Variants in RIMKLA observed in about 807,000 individuals in gnomAD.
The protein encoded by RIMKLA is N-acetylaspartylglutamate synthase A.
In RIMKLA, 14 loss-of-function variants were observed where a neutral mutation model predicts 32.7. The ratio of observed to expected loss-of-function variants is 0.43; its 90% CI spans 0.28 to 0.67. RIMKLA has a LOEUF of 0.67. Ranked by LOEUF, RIMKLA falls within the 30% of genes least tolerant of loss-of-function variation. RIMKLA has a pLI of 0.18. For synonymous variants in RIMKLA, 176 were observed against 204.1 expected, an observed-to-expected ratio of 0.86 and a Z score of 1.18; for missense variants, 410 against 519.0, an observed-to-expected ratio of 0.79 and a Z score of 2.04.
chr1:42,408,288 C>T (rs1643165994), intron 3 of RIMKLA, among the ~76,000 whole-genome samples: 3 of 152,208 alleles, frequency 2.0e-5, no homozygotes, highest in African/African-American at 4.8e-5. Flanking sequence ...ATCTTCAGAT[C>T]ACGTGGCTGA....
chr1:42,395,979 G>A (rs985797183), intron 1 of RIMKLA, among the ~76,000 whole-genome samples: 27 of 152,238 alleles, frequency 1.8e-4, no homozygotes, highest in Non-Finnish European at 3.1e-4. Context: ...GGTGGCTCAC[G>A]CCTGTAATCC....
intron 1 of RIMKLA, among the ~76,000 whole-genome samples, chr1:42,383,135 C>T (rs138078417): frequency 0.019 from 2,958 of 152,032 alleles, 98 homozygotes; most frequent in African/African-American, 0.067. Context: ...ATCCATCCGC[C>T]TCGACCTCCT....
chr1:42,383,538 A>G (rs1292352162), intron 1 of RIMKLA, among the ~76,000 whole-genome samples: 1 of 152,234 alleles, frequency 6.6e-6, no homozygotes, highest in Non-Finnish European at 1.5e-5. Context: ...TAGTCAGACT[A>G]TAGAAAACAC....
chr1:42,406,750 G>A (rs1399406470), intron 3 of RIMKLA, among the ~76,000 whole-genome samples: 4 of 152,026 alleles, frequency 2.6e-5, no homozygotes, highest in African/African-American at 9.6e-5. Flanking sequence ...ATCTCATTGT[G>A]GTTTTGATTT....
intron 1 of RIMKLA, among the ~76,000 whole-genome samples, chr1:42,384,240 A>G (rs1006322104): frequency 4.6e-5 from 7 of 152,176 alleles, no homozygotes; most frequent in Non-Finnish European, 7.3e-5. Flanking sequence ...AGTGGGAGAC[A>G]GTGGAGAAAG....
chr1:42,398,273 T>C (rs964704715), intron 1 of RIMKLA, among the ~76,000 whole-genome samples: 2 of 152,232 alleles, frequency 1.3e-5, no homozygotes, highest in Admixed American at 6.5e-5. Context: ...ACTGTGCTCC[T>C]GTTCCTCTGA....
At position 42,419,082 on chromosome 1, in the gene RIMKLA, T is replaced by A. The variant is rs891963728; in HGVS notation, c.*4108T>A. On this transcript the variant is annotated 3_prime_UTR_variant, in exon 5 of 5. Coordinates refer to ENST00000431473, the MANE Select transcript of RIMKLA (RefSeq NM_173642.4). ...TCTGAGACTCAAGATCAGGACAGAT[T>A]GTTACTTTAAAATGTTACCTGGAAG... 6.6e-6 allele frequency: 1 copy of A among 152,208 alleles called. No homozygotes were observed. Among genetic ancestry groups the A allele is most frequent in the Non-Finnish European group, 1.5e-5 (1 of 68,044 alleles). 9.4% of individuals were successfully genotyped at this position (152,208 alleles called of 1,614,324 possible).
chr1:42,385,690 A>C (rs1164418959), intron 1 of RIMKLA, among the ~76,000 whole-genome samples: 1 of 150,792 alleles, frequency 6.6e-6, no homozygotes, highest in Non-Finnish European at 1.5e-5. Context: ...TCAAAGCCCT[A>C]CTCCTAGATT....
At chr1:42,395,413 C>G (rs904070029) in intron 1 of RIMKLA, among the ~76,000 whole-genome samples, 1 of 151,604 alleles carries the variant, frequency 6.6e-6, no homozygotes, top group Non-Finnish European at 1.5e-5. Context: ...CAAGCCCACC[C>G]CATGAGTCTG....
chr1:42,412,388 T>C (rs369132427), intron 4 of RIMKLA: 19 of 251,102 alleles, frequency 7.6e-5, no homozygotes, highest in East Asian at 6.0e-4. Flanking sequence ...TATTAATATC[T>C]ATTACATCCC....
At chr1:42,385,838 T>TTCTCTCTCTCTC (rs777027519) in intron 1 of RIMKLA, among the ~76,000 whole-genome samples, 2,563 of 69,432 alleles carry the variant, frequency 0.037, 440 homozygotes, top group African/African-American at 0.041. Flanking sequence ...CTTTCTTTCT[T>TTCTCTCTCTCTC]TCTTTCTCTT....
chr1:42,423,369 G>A lies in RIMKLA; in HGVS notation c.*8395G>A, dbSNP rs920138568. Among the ~76,000 whole-genome samples, 4 of 152,150 alleles carry A rather than the reference G, an allele frequency of 2.6e-5. No individual in the cohort carries two copies. The highest frequency in any genetic ancestry group is 3.9e-4 in the East Asian group (2 of 5,190). ...AATAGTAAACTCCCCAGAAAAGGAC[G>A]TTTCCATTTGCCTTTACCACATATA... On this transcript the variant is annotated 3_prime_UTR_variant, in exon 5 of 5. Transcript: ENST00000431473.
intron 1 of RIMKLA, among the ~76,000 whole-genome samples, chr1:42,385,736 T>C (rs1412882741): frequency 2.2e-5 from 2 of 92,988 alleles, no homozygotes; most frequent in Non-Finnish European, 4.4e-5. Flanking sequence ...TCTTTCTTTC[T>C]TTCTTTCTTT....
In RIMKLA at chr1:42,414,489, G is replaced by A. The variant is rs758606201; in HGVS notation, c.691G>A (p.Val231Met). 25 of 1,613,632 alleles carry A rather than the reference G, an allele frequency of 1.5e-5. No homozygotes were observed. Among genetic ancestry groups the A allele is most frequent in the African/African-American group, 6.7e-5 (5 of 74,898 alleles). ...RMQSNCSLGG[V>M]GVKCPLTEQG... ...TCACTGTGCTTTCCCCACAGGTGGC[G>A]TGGGCGTCAAGTGTCCGCTGACAGA... is the stretch of plus-strand genomic sequence containing the variant. Residue 231 changes from valine (V) to methionine (M), a missense_variant, in exon 5 of 5, where the codon GTG becomes ATG. Transcript: ENST00000431473.
At chr1:42,410,248 C>T (rs1643185890) in intron 4 of RIMKLA, 61 bp downstream of exon 4, 7 of 1,386,882 alleles carry the variant, frequency 5.0e-6, no homozygotes, top group Admixed American at 3.5e-5. Context: ...AAATGTATAT[C>T]GATCCCTACT....
At chr1:42,385,840 C>CTT (rs56183304) in intron 1 of RIMKLA, among the ~76,000 whole-genome samples, 3 of 64,616 alleles carry the variant, frequency 4.6e-5, no homozygotes, top group African/African-American at 1.5e-4. Flanking sequence ...TTCTTTCTTT[C>CTT]TTTCTCTTTC....
intron 4 of RIMKLA, among the ~76,000 whole-genome samples, chr1:42,411,744 G>A (rs189474487): frequency 4.0e-5 from 6 of 151,882 alleles, no homozygotes; most frequent in African/African-American, 1.5e-4. Context: ...CACAATCTCC[G>A]CTCATTGCAA....
At position 42,415,479 on chromosome 1, in the gene RIMKLA, A is replaced by G. The variant is rs1255742044; in HGVS notation, c.*505A>G. The G allele has an allele frequency of 6.5e-6, 1 of 153,652 alleles. No individual in the cohort carries two copies. The highest frequency in any genetic ancestry group is 2.4e-5 in the African/African-American group (1 of 41,462). 9.5% of individuals were successfully genotyped at this position (153,652 alleles called of 1,614,324 possible). ...CTCCCCATCAATCACCATCTTGACCATATTTCTCCGACACTCAGGATATGG... is the reference window on the plus strand; with the variant it reads ...CTCCCCATCAATCACCATCTTGACCGTATTTCTCCGACACTCAGGATATGG... On this transcript the variant is annotated 3_prime_UTR_variant, in exon 5 of 5. Coordinates refer to ENST00000431473, the MANE Select transcript of RIMKLA (RefSeq NM_173642.4).
Position 42,421,811 on chromosome 1 carries a change from T to C in RIMKLA, c.*6837T>C, listed in dbSNP as rs937749777. 1.3e-5 allele frequency: 2 copies of C among 152,250 alleles called. No individual in the cohort carries two copies. Among genetic ancestry groups the C allele is most frequent in the Non-Finnish European group, 2.9e-5 (2 of 68,050 alleles). The allele number at this position is 152,250 out of a possible 1,614,324, so 9.4% of individuals were successfully genotyped here. ...TATTAACCTGCAATTAAATAAAGTA[T>C]GTTAAAAACAGTAATAAATACTCAA... is the stretch of plus-strand genomic sequence containing the variant. On this transcript the variant is annotated 3_prime_UTR_variant, in exon 5 of 5. Coordinates refer to ENST00000431473, the MANE Select transcript of RIMKLA (RefSeq NM_173642.4). The surrounding 1 kb of genome is among the most constrained non-coding windows in gnomAD (Gnocchi z 4.6).
Sources: gnomAD v4.1 joint callset for allele counts (sites outside exome capture counted in the v4.1 genomes callset) on GRCh38, gnomAD v4.1.1 for gene constraint, Gnocchi (gnomAD v3.1) non-coding constraint, MANE v1.5 for transcripts, NCBI Gene and HGNC (gene_info 2026-07-23, HGNC 2026-07-21) for gene names.